The following RNGTT variants were observed in gnomAD, a reference collection of about 807,000 sequenced individuals.
The protein encoded by RNGTT is mRNA-capping enzyme.
RNGTT carries 33 observed loss-of-function variants against 79.3 expected under a neutral mutation model. The ratio of observed to expected loss-of-function variants is 0.42; its 90% CI spans 0.32 to 0.56. RNGTT has a LOEUF of 0.56. RNGTT is among the 20% of genes least tolerant of loss of function. The pLI is 0.17. For synonymous variants in RNGTT, 222 were observed against 235.9 expected, an observed-to-expected ratio of 0.94 and a Z score of 0.54; for missense variants, 497 against 739.1, an observed-to-expected ratio of 0.67 and a Z score of 3.80.
intron 11 of RNGTT, among the ~76,000 whole-genome samples, chr6:88,816,344 G>T (rs1780314332): frequency 6.6e-6 from 1 of 152,138 alleles, no homozygotes; most frequent in Admixed American, 6.5e-5. Flanking sequence ...ATCTTCTCAT[G>T]AGGTGCACAT....
At chr6:88,663,114 T>C (rs1245279547) in intron 14 of RNGTT, among the ~76,000 whole-genome samples, 1 of 152,182 alleles carries the variant, frequency 6.6e-6, no homozygotes, top group Non-Finnish European at 1.5e-5. Flanking sequence ...GCTTGGTGAG[T>C]GAGTGACCTT....
chr6:88,732,322 CA>C (rs899331068), intron 13 of RNGTT, among the ~76,000 whole-genome samples: 34 of 152,262 alleles, frequency 2.2e-4, no homozygotes, highest in African/African-American at 8.2e-4. Context: ...ATCCAAACTA[CA>C]ATGAGATCCC....
At chr6:88,808,128 T>C (rs184988538) in intron 11 of RNGTT, among the ~76,000 whole-genome samples, 1 of 152,252 alleles carries the variant, frequency 6.6e-6, no homozygotes, top group East Asian at 1.9e-4. Flanking sequence ...ATGAAGGGCA[T>C]TGGAATGGTT....
intron 2 of RNGTT, among the ~76,000 whole-genome samples, chr6:88,937,161 TGAAGAAACCCCATCTCAACTAAA>T (rs1243993321): frequency 6.6e-6 from 1 of 152,002 alleles, no homozygotes; most frequent in Admixed American, 6.6e-5. Context: ...CTGACCACCA[TGAAGAAACCCCATCTCAACTAAA>T]AAATACAAAA....
At position 88,698,224 on chromosome 6, in the gene RNGTT, T is replaced by TATATGAAATATATATAGC. The variant is rs1775794679; in HGVS notation, c.1440-19806_1440-19805insGCTATATATATTTCATAT. On this transcript the variant is annotated intron_variant, in intron 13 of 15. Transcript: ENST00000369485. ...TGATATATATGAAATATATATATCA[T>TATATGAAATATATATAGC]ATATATATGAAATATATATATGAAA... Among the ~76,000 whole-genome samples, 10 of 77,552 alleles carry TATATGAAATATATATAGC rather than the reference T, an allele frequency of 1.3e-4. No homozygotes were observed. The African/African-American group carries it at 1.7e-3, about 13-fold the overall frequency. 50.9% of individuals were successfully genotyped at this position (77,552 alleles called of 152,430 possible).
intron 13 of RNGTT, among the ~76,000 whole-genome samples, chr6:88,715,385 A>G (rs1776473941): frequency 6.6e-6 from 1 of 152,124 alleles, no homozygotes; most frequent in Non-Finnish European, 1.5e-5. Context: ...AAATGGCCAT[A>G]CTGCCCAAGG....
At chr6:88,620,534 T>C (rs1772404361) in intron 14 of RNGTT, among the ~76,000 whole-genome samples, 1 of 152,228 alleles carries the variant, frequency 6.6e-6, no homozygotes, top group Non-Finnish European at 1.5e-5. Context: ...TGTTTAACTA[T>C]CATACTTTTT....
intron 13 of RNGTT, 25 bp from the exon 14 acceptor site, chr6:88,678,444 T>C: frequency 7.4e-7 from 1 of 1,359,620 alleles, no homozygotes. Flanking sequence ...AAGCATTATT[T>C]ATAAAATACT....
At chr6:88,695,522 A>G (rs1582341830) in intron 13 of RNGTT, among the ~76,000 whole-genome samples, 1 of 152,300 alleles carries the variant, frequency 6.6e-6, no homozygotes, top group East Asian at 1.9e-4. Flanking sequence ...TTTGCAAGGA[A>G]AAAAGAAACC....
intron 14 of RNGTT, among the ~76,000 whole-genome samples, chr6:88,670,822 G>C (rs928967694): frequency 5.9e-5 from 9 of 152,108 alleles, no homozygotes; most frequent in African/African-American, 9.7e-5. Flanking sequence ...TCTTAAAAGG[G>C]ACAGGAATCT....
In RNGTT at chr6:88,679,120, T is replaced by C. The variant is rs114625011; in HGVS notation, c.1440-701A>G. 4.2e-3 allele frequency among the ~76,000 whole-genome samples: 646 copies of C among 152,230 alleles called. 5 individuals are homozygous for C. Among genetic ancestry groups the C allele is most frequent in the African/African-American group, 0.015 (625 of 41,524 alleles). ...GATGATGCACCACCACTATGCACTG[T>C]ACAGGAGATAATATAAACCTAAATA... On this transcript the variant is annotated intron_variant, in intron 13 of 15. Transcript: ENST00000369485.
intron 15 of RNGTT, among the ~76,000 whole-genome samples, chr6:88,613,847 C>T (rs1330924440): frequency 3.9e-5 from 6 of 152,158 alleles, no homozygotes; most frequent in South Asian, 2.1e-4. Flanking sequence ...AAATGGTTTT[C>T]GTTTACTTTG....
intron 14 of RNGTT, among the ~76,000 whole-genome samples, chr6:88,637,137 T>C (rs1365984734): frequency 6.6e-6 from 1 of 152,050 alleles, no homozygotes; most frequent in Non-Finnish European, 1.5e-5. Flanking sequence ...GTTAGTTTGC[T>C]TTCCTGTTAT....
At chr6:88,734,023 A>C (rs1777202815) in intron 13 of RNGTT, among the ~76,000 whole-genome samples, 1 of 152,228 alleles carries the variant, frequency 6.6e-6, no homozygotes, top group Admixed American at 6.5e-5. Context: ...AGAATGTTAA[A>C]GAAGGAATAA....
chr6:88,754,994 A>C (rs1343295777), intron 13 of RNGTT, among the ~76,000 whole-genome samples: 1 of 151,558 alleles, frequency 6.6e-6, no homozygotes, highest in Non-Finnish European at 1.5e-5. Flanking sequence ...CCCACTCCAC[A>C]CTCTATATTT....
intron 13 of RNGTT, among the ~76,000 whole-genome samples, chr6:88,729,112 G>A (rs1777021260): frequency 6.6e-6 from 1 of 152,180 alleles, no homozygotes; most frequent in Admixed American, 6.5e-5. Flanking sequence ...CTGCGGGTCA[G>A]CCCTGAGGGC....
chr6:88,743,430 A>AGTTTTGTTTT (rs71021390), intron 13 of RNGTT, among the ~76,000 whole-genome samples: 9 of 151,926 alleles, frequency 5.9e-5, no homozygotes, highest in African/African-American at 7.2e-5. Context: ...CATCTCCATA[A>AGTTTTGTTTT]GTTTTGTTTT....
chr6:88,817,759 T>TC (rs1056934571), intron 11 of RNGTT, among the ~76,000 whole-genome samples: 4 of 133,426 alleles, frequency 3.0e-5, no homozygotes, highest in African/African-American at 1.1e-4. Context: ...ATTTTTTTTT[T>TC]TTTTTTTTTT....
chr6:88,944,140 A>G (rs753946514), intron 1 of RNGTT, among the ~76,000 whole-genome samples: 6 of 152,256 alleles, frequency 3.9e-5, no homozygotes. Flanking sequence ...AAAAGAAGCC[A>G]TAATAATTAA....
Sources: allele counts gnomAD v4.1 joint callset (sites outside exome capture counted in the v4.1 genomes callset), GRCh38; gene constraint gnomAD v4.1.1; transcripts MANE v1.5; gene names NCBI Gene and HGNC (gene_info 2026-07-23, HGNC 2026-07-21).